PRDM15: variants seen among roughly 807,000 people sequenced by gnomAD.
PRDM15 encodes PR/SET domain 15, also known as PR domain zinc finger protein 15.
Under a neutral mutation model 128.6 loss-of-function variants are expected in PRDM15, and 64 were observed. The observed-to-expected ratio is 0.50, with a 90% CI of 0.41 to 0.61. The LOEUF (loss-of-function observed/expected upper bound fraction) is 0.61. Among genes scored for constraint, PRDM15 ranks in the 20% least tolerant of loss-of-function variants. The pLI, the probability that PRDM15 is intolerant of heterozygous loss-of-function variation, is 0.00. For synonymous variants in PRDM15, 615 were observed against 621.8 expected (o/e 0.99, Z 0.16); for missense variants, 1,242 against 1,569.1 (o/e 0.79, Z 3.52).
chr21:41,859,830 G>A lies in PRDM15; in HGVS notation c.38-145C>T. 1 of 710,602 alleles carries A rather than the reference G, an allele frequency of 1.4e-6. No homozygotes were observed. The highest frequency in any genetic ancestry group is 2.4e-6 in the Non-Finnish European group (1 of 409,370). The allele number at this position is 710,602 out of a possible 1,614,324, so 44.0% of individuals were successfully genotyped here. ...GCCGACACTGCAAAGACAAGCAAGGGAGGGTGCATTGGATGGCAGAAGGCC... is the reference window on the plus strand; with the variant it reads ...GCCGACACTGCAAAGACAAGCAAGGAAGGGTGCATTGGATGGCAGAAGGCC... On this transcript the variant is annotated intron_variant, in intron 2 of 23. Transcript: ENST00000398548. The surrounding 1 kb of genome is among the most constrained non-coding windows in gnomAD (Gnocchi z 5.3).
At chr21:41,846,492 C>A (rs2063268614) in intron 6 of PRDM15, among the ~76,000 whole-genome samples, 1 of 152,214 alleles carries the variant, frequency 6.6e-6, no homozygotes, top group Non-Finnish European at 1.5e-5. Context: ...CCGCTTGAGC[C>A]CAGCAGTCTG....
chr21:41,847,171 T>G lies in PRDM15; in HGVS notation c.559A>C (p.Ser187Arg). The G allele has an allele frequency of 6.4e-7, 1 of 1,553,422 alleles. No homozygotes were observed. Among genetic ancestry groups the G allele is most frequent in the Non-Finnish European group, 8.7e-7 (1 of 1,147,622 alleles). Residue 187 changes from serine (S) to arginine (R), a missense_variant, in exon 6 of 24, where the codon AGC (serine) becomes CGC (arginine). Ser to Arg is a moderately radical substitution (Grantham distance 110). Transcript: ENST00000398548. ...CTGGGCTCCGACTCCACGGGGGCGC[T>G]GTTTTCTGGGGTGCCTGCAGCTTCA... ...GVHAAGTPEN[S>R]APVESEPSQW...
intron 1 of PRDM15, chr21:41,867,418 C>A: frequency 7.0e-7 from 1 of 1,428,334 alleles, no homozygotes; most frequent in Admixed American, 1.7e-5. Context: ...GCTCTACACA[C>A]TTCAGCAGAA....
chr21:41,871,565 T>C, intron 1 of PRDM15: 1 of 1,612,368 alleles, frequency 6.2e-7, no homozygotes, highest in Non-Finnish European at 8.5e-7. Context: ...GGACACCTCA[T>C]TCCCTAGAGA....
At chr21:41,874,521 A>ATTTTTTTT (rs1336105383) in intron 1 of PRDM15, among the ~76,000 whole-genome samples, 2 of 47,930 alleles carry the variant, frequency 4.2e-5, no homozygotes, top group African/African-American at 1.1e-4. Flanking sequence ...ATATATATAT[A>ATTTTTTTT]TATATTTTTT....
intron 10 of PRDM15, among the ~76,000 whole-genome samples, chr21:41,835,890 C>T (rs114358636): frequency 3.8e-3 from 227 of 60,076 alleles, no homozygotes; most frequent in South Asian, 8.0e-3. Flanking sequence ...TCAGGGACAC[C>T]TGGGCACCCA....
chr21:41,817,061 C>T (rs2062078879), intron 18 of PRDM15, among the ~76,000 whole-genome samples: 1 of 152,156 alleles, frequency 6.6e-6, no homozygotes, highest in African/African-American at 2.4e-5. Flanking sequence ...ACCTCCCCAC[C>T]ACAGCCAGCA....
At chr21:41,846,755 G>A (rs1377655972) in intron 6 of PRDM15, among the ~76,000 whole-genome samples, 2 of 152,256 alleles carry the variant, frequency 1.3e-5, no homozygotes, top group African/African-American at 4.8e-5. Flanking sequence ...GTCAAGTAGA[G>A]ACAACAAAGG....
At chr21:41,878,611 C>T in intron 1 of PRDM15, 1 of 790,210 alleles carries the variant, frequency 1.3e-6, no homozygotes, top group Non-Finnish European at 1.8e-6. Context: ...GCACGCGTCA[C>T]CTGTCCATCC....
At chr21:41,806,006 T>C (rs867997621) in intron 21 of PRDM15, among the ~76,000 whole-genome samples, 1,329 of 42,036 alleles carry the variant, frequency 0.032, 1 homozygote, top group South Asian at 0.091. Context: ...ACCACCACCA[T>C]CACCACCACC....
intron 1 of PRDM15, chr21:41,867,180 A>G: frequency 1.4e-6 from 1 of 702,668 alleles, no homozygotes; most frequent in South Asian, 1.8e-5. Context: ...CAGATTTTCT[A>G]TTCACACACA....
intron 11 of PRDM15, among the ~76,000 whole-genome samples, chr21:41,829,502 T>C (rs969265704): frequency 1.3e-4 from 20 of 150,638 alleles, no homozygotes; most frequent in Non-Finnish European, 2.5e-4. Context: ...ACATACACAT[T>C]CAACACATCA....
chr21:41,801,494 G>A lies in PRDM15; in HGVS notation c.3172C>T (p.Gln1058Ter), dbSNP rs1426167613. The A allele has an allele frequency of 6.2e-7, 1 of 1,614,116 alleles. No homozygotes were observed. Among genetic ancestry groups the A allele is most frequent in the African/African-American group, 1.3e-5 (1 of 74,936 alleles). Residue 1058 changes from glutamine to a stop codon, truncating the protein, a stop_gained, in exon 24 of 24, where the codon CAA becomes TAA. Coordinates refer to ENST00000398548, the MANE Select transcript of PRDM15 (RefSeq NM_001040424.3). LOFTEE classifies it high-confidence loss of function. ...VSGSAMLHNR[Q>*]NDVQIHPQPE... is the part of the protein sequence containing the mutation. ...TGGGGGTGGATCTGGACGTCATTTTGGCGGTTGTGCAACATGGCAGAGCCG... is the reference window on the plus strand; with the variant it reads ...TGGGGGTGGATCTGGACGTCATTTTAGCGGTTGTGCAACATGGCAGAGCCG...
At chr21:41,819,730 G>A (rs781013233) in intron 17 of PRDM15, 29 bp from the exon 18 acceptor site, 2 of 1,580,166 alleles carry the variant, frequency 1.3e-6, no homozygotes, top group Non-Finnish European at 1.7e-6. Context: ...GCCACTCAGA[G>A]CCGAGCAGCT....
intron 6 of PRDM15, among the ~76,000 whole-genome samples, chr21:41,843,838 ACTT>A (rs1309664610): frequency 6.6e-6 from 1 of 151,890 alleles, no homozygotes; most frequent in East Asian, 1.9e-4. Context: ...AGTTCCAGCT[ACTT>A]GGGAGGTCAA....
intron 11 of PRDM15, chr21:41,834,453 G>A (rs2062800174): frequency 6.8e-6 from 10 of 1,476,972 alleles, no homozygotes; most frequent in Non-Finnish European, 8.3e-6. Flanking sequence ...AGAGATGCAA[G>A]TGACAGACAC....
chr21:41,831,347 G>A (rs1052825836), intron 11 of PRDM15, among the ~76,000 whole-genome samples: 2 of 152,190 alleles, frequency 1.3e-5, no homozygotes, highest in Non-Finnish European at 2.9e-5. Context: ...AGCAGATACC[G>A]GGCTTCCACC....
intron 1 of PRDM15, among the ~76,000 whole-genome samples, chr21:41,874,525 A>ATATATATATTTTTT: frequency 5.3e-4 from 51 of 95,804 alleles, no homozygotes; most frequent in South Asian, 2.0e-3. Flanking sequence ...ATATATATAT[A>ATATATATATTTTTT]TTTTTTTTTT....
intron 1 of PRDM15, among the ~76,000 whole-genome samples, chr21:41,875,514 C>G (rs1389495125): frequency 6.6e-6 from 1 of 152,254 alleles, no homozygotes; most frequent in Non-Finnish European, 1.5e-5. Flanking sequence ...ACTGTAAATA[C>G]TGAGTTAAAA....
Sources: gnomAD v4.1 joint callset for allele counts (sites outside exome capture counted in the v4.1 genomes callset) on GRCh38, gnomAD v4.1.1 for gene constraint, Gnocchi (gnomAD v3.1) non-coding constraint, MANE v1.5 for transcripts, NCBI Gene and HGNC (gene_info 2026-07-23, HGNC 2026-07-21) for gene names.